The following MYBPC1 variants were observed in gnomAD, a reference collection of about 807,000 sequenced individuals.
MYBPC1 encodes the protein myosin-binding protein C, slow-type.
A neutral mutation model predicts 147.1 loss-of-function variants in MYBPC1; 52 were observed. That is an observed-to-expected ratio of 0.35 (90% CI 0.28 to 0.45). MYBPC1 has a LOEUF of 0.45. Among genes scored for constraint, MYBPC1 ranks in the 20% least tolerant of loss-of-function variants. The pLI, the probability that MYBPC1 is intolerant of heterozygous loss-of-function variation, is 1.00. For missense variants in MYBPC1, 1,228 were observed against 1,440.3 expected (o/e 0.85, Z 2.39); for synonymous variants, 477 against 475.9 (o/e 1.00, Z -0.03).
chr12:101,652,294 A>T (rs895157397), intron 16 of MYBPC1, among the ~76,000 whole-genome samples: 1 of 152,222 alleles, frequency 6.6e-6, no homozygotes, highest in African/African-American at 2.4e-5. Flanking sequence ...TATTGTTCTT[A>T]GGGTTTGGGA....
intron 29 of MYBPC1, 113 bp from the exon 30 acceptor site, chr12:101,682,491 C>A: frequency 2.1e-6 from 2 of 946,996 alleles, no homozygotes; most frequent in Non-Finnish European, 3.3e-6. Context: ...AATTGTTTAT[C>A]ATCAGACTGT....
chr12:101,689,982 C>T (rs1566029471), downstream of MYBPC1, among the ~76,000 whole-genome samples: 2 of 152,208 alleles, frequency 1.3e-5, no homozygotes, highest in African/African-American at 4.8e-5. Context: ...GGAGACCAGC[C>T]TGGCCAACAT....
chr12:101,678,272 C>G (rs931082225), intron 28 of MYBPC1, 34 bp downstream of exon 28: 14 of 1,610,650 alleles, frequency 8.7e-6, no homozygotes, highest in African/African-American at 4.0e-5. Flanking sequence ...AGTTAAAGTC[C>G]CTGTCTTGTA....
chr12:101,673,347 A>G (rs760484925), intron 24 of MYBPC1, 80 bp from the exon 25 acceptor site: 1 of 1,472,226 alleles, frequency 6.8e-7, no homozygotes, highest in Non-Finnish European at 9.5e-7. Context: ...GGGTTAAGCC[A>G]CTGTCCTTCT....
At position 101,684,397 on chromosome 12, in the gene MYBPC1, G is replaced by A. The variant is rs751281585; in HGVS notation, c.3508G>A (p.Asp1170Asn). ...EGQQQSLHNK[D>N]F ...TTTTCCTTAGTCATTGCACAATAAG[G>A]ATTTTTGAATGTATAATATCATCTA... Residue 1170 changes from aspartate to asparagine, a missense_variant, in exon 31 of 32, where the codon GAT becomes AAT. Physicochemically the swap from Asp to Asn is conservative, Grantham distance 23. Coordinates refer to ENST00000361466, the MANE Select transcript of MYBPC1 (RefSeq NM_002465.4). 1.3e-6 allele frequency: 2 copies of A among 1,588,550 alleles called. No homozygotes were observed. Among genetic ancestry groups the A allele is most frequent in the Non-Finnish European group, 1.7e-6 (2 of 1,164,936 alleles).
intron 14 of MYBPC1, 111 bp from the exon 15 acceptor site, chr12:101,649,149 G>A: frequency 1.1e-6 from 1 of 909,062 alleles, no homozygotes; most frequent in Non-Finnish European, 1.7e-6. Context: ...TAGTTCTTGT[G>A]TGTCTCATAT....
intron 3 of MYBPC1, among the ~76,000 whole-genome samples, chr12:101,620,029 C>T (rs114160584): frequency 0.017 from 2,663 of 152,238 alleles, 80 homozygotes; most frequent in African/African-American, 0.061. Context: ...TTTCCCAGCA[C>T]GGGGTTTTAT....
At chr12:101,668,758 C>T (rs578197707) in intron 23 of MYBPC1, among the ~76,000 whole-genome samples, 12 of 152,244 alleles carry the variant, frequency 7.9e-5, no homozygotes, top group African/African-American at 2.6e-4. Flanking sequence ...AGCCACCACG[C>T]CTGGCCCTTA....
rs760552135 is a variant in MYBPC1 at position 101,673,450 on chromosome 12, T to C, written c.2637T>C (p.Thr879=). The C allele has an allele frequency of 2.5e-6, 4 of 1,613,076 alleles. No individual in the cohort carries two copies. The highest frequency in any genetic ancestry group is 2.2e-5 in the East Asian group (1 of 44,878). ...PFQGKPRPEL[T]WKKDGAEIDK... ...AGGGAAAACCAAGACCAGAATTAAC[T>C]TGGAAGAAGGATGGTGCAGAAATTG... Residue 879 remains threonine, a synonymous_variant, in exon 25 of 32, where the codon ACT becomes ACC. Transcript: ENST00000361466.
chr12:101,619,149 T>C (rs1237154558), intron 3 of MYBPC1, among the ~76,000 whole-genome samples: 1 of 152,048 alleles, frequency 6.6e-6, no homozygotes, highest in Admixed American at 6.6e-5. Flanking sequence ...ATAAACAGGA[T>C]TGATGGGTGC....
chr12:101,601,512 C>A (rs763846884), intron 1 of MYBPC1, among the ~76,000 whole-genome samples: 7 of 152,194 alleles, frequency 4.6e-5, no homozygotes, highest in African/African-American at 9.7e-5. Flanking sequence ...CAGAATCATT[C>A]AATCTCACAC....
intron 27 of MYBPC1, 60 bp downstream of exon 27, chr12:101,677,454 A>G: frequency 1.9e-6 from 3 of 1,596,484 alleles, no homozygotes; most frequent in Non-Finnish European, 2.6e-6. Flanking sequence ...GACAGAGAAG[A>G]CTGGAAAAAG....
At chr12:101,634,136 G>A (rs1477043034) in intron 8 of MYBPC1, among the ~76,000 whole-genome samples, 4 of 152,058 alleles carry the variant, frequency 2.6e-5, no homozygotes, top group Non-Finnish European at 5.9e-5. Context: ...TCCTGATCTC[G>A]TGATCCGCCC....
intron 19 of MYBPC1, 32 bp from the exon 20 acceptor site, chr12:101,661,126 T>C: frequency 6.8e-7 from 1 of 1,471,260 alleles, no homozygotes; most frequent in Non-Finnish European, 9.5e-7. Context: ...CTCTTCCTTA[T>C]TTTACTTTAT....
intron 19 of MYBPC1, 111 bp from the exon 20 acceptor site, chr12:101,661,047 T>C (rs1210268444): frequency 2.8e-6 from 2 of 706,810 alleles, no homozygotes; most frequent in South Asian, 1.6e-5. Context: ...GGGAAAGTAC[T>C]CAGAAATAAC....
At chr12:101,687,780 G>C (rs1183470627), downstream of MYBPC1, among the ~76,000 whole-genome samples, 1 of 152,192 alleles carries the variant, frequency 6.6e-6, no homozygotes, top group African/African-American at 2.4e-5. Context: ...CATTGGCCAA[G>C]CTAGTTAGGC....
In MYBPC1 at chr12:101,632,080, A is replaced by G. The variant is rs1890016916; in HGVS notation, c.498A>G (p.Arg166=). Residue 166 remains arginine, a synonymous_variant, in exon 8 of 32, where the codon AGA becomes AGG. Coordinates refer to ENST00000361466, the MANE Select transcript of MYBPC1 (RefSeq NM_002465.4). ...KAKDNFAGNY[R]CEVTYKDKFD... The stretch of plus-strand genomic sequence containing the variant: ...AAGATAACTTTGCAGGAAATTACAG[A>G]TGCGAGGTCACCTATAAGGATAAGT... 6.2e-7 allele frequency: 1 copy of G among 1,614,056 alleles called. No homozygotes were observed. The highest frequency in any genetic ancestry group is 1.3e-5 in the African/African-American group (1 of 74,942).
intron 22 of MYBPC1, chr12:101,664,669 G>C (rs1897135381): frequency 6.6e-6 from 1 of 152,178 alleles, no homozygotes; most frequent in South Asian, 2.1e-4. Flanking sequence ...CTGTTCTGGA[G>C]GGAGGAAGAG....
At chr12:101,677,530 AGTAAAATTTTAATTTTACAG>A (rs1158781917) in intron 27 of MYBPC1, 136 bp downstream of exon 27, 2 of 1,096,542 alleles carry the variant, frequency 1.8e-6, no homozygotes, top group Non-Finnish European at 2.6e-6. Flanking sequence ...ATGGTGTTCA[AGTAAAATTTTAATTTTACAG>A]GTAAAATTTA....
Sources: gnomAD v4.1 joint callset for allele counts (sites outside exome capture counted in the v4.1 genomes callset) on GRCh38, gnomAD v4.1.1 for gene constraint, MANE v1.5 for transcripts, NCBI Gene and HGNC (gene_info 2026-07-23, HGNC 2026-07-21) for gene names.